Variants in HNMT observed in about 807,000 individuals in gnomAD.
HNMT encodes the protein histamine N-methyltransferase.
HNMT carries 30 observed loss-of-function variants against 32.1 expected under a neutral mutation model. That is an observed-to-expected ratio of 0.93 (90% confidence interval 0.70 to 1.27). HNMT has a LOEUF of 1.27. HNMT is among the 50% of genes most tolerant of loss of function. The pLI, the probability that HNMT is intolerant of heterozygous loss-of-function variation, is 0.00. For missense variants in HNMT, 327 were observed against 346.0 expected, an observed-to-expected ratio of 0.95 and a Z score of 0.43; for synonymous variants, 125 against 119.0, an observed-to-expected ratio of 1.05 and a Z score of -0.33.
chr2:137,987,282 A>G (rs757613632), intron 2 of HNMT, among the ~76,000 whole-genome samples: 1 of 152,162 alleles, frequency 6.6e-6, no homozygotes, highest in Non-Finnish European at 1.5e-5. Flanking sequence ...GAGACTGACT[A>G]TAAACTGAGC....
intron 2 of HNMT, among the ~76,000 whole-genome samples, chr2:137,993,260 C>T (rs1000984555): frequency 1.3e-5 from 2 of 152,114 alleles, no homozygotes; most frequent in African/African-American, 4.8e-5. Flanking sequence ...CTACACTGAT[C>T]TAAAGGAGCA....
intron 1 of HNMT, among the ~76,000 whole-genome samples, chr2:137,965,647 A>C (rs1019546982): frequency 6.6e-6 from 1 of 152,224 alleles, no homozygotes; most frequent in Non-Finnish European, 1.5e-5. Context: ...ATAAGGATGC[A>C]AACATCAAAG....
intron 1 of HNMT, chr2:137,967,686 C>T (rs1680001684): frequency 6.6e-6 from 1 of 152,138 alleles, no homozygotes; most frequent in South Asian, 2.1e-4. Flanking sequence ...AACTTTTATT[C>T]ATCAAATACT....
At chr2:137,980,125 A>G (rs1356865780) in intron 2 of HNMT, among the ~76,000 whole-genome samples, 1 of 150,392 alleles carries the variant, frequency 6.6e-6, no homozygotes, top group Non-Finnish European at 1.5e-5. Flanking sequence ...AAGCTCCACC[A>G]CCCAGGTTCA....
At chr2:138,003,096 A>AG (rs1201469895) in intron 4 of HNMT, among the ~76,000 whole-genome samples, 1,480 of 59,278 alleles carry the variant, frequency 0.025, 58 homozygotes, top group African/African-American at 0.093. Context: ...GGGTGGGGGG[A>AG]GGGGGGAGGG....
At chr2:137,985,503 T>G (rs935035818) in intron 2 of HNMT, among the ~76,000 whole-genome samples, 1 of 152,182 alleles carries the variant, frequency 6.6e-6, no homozygotes, top group African/African-American at 2.4e-5. Flanking sequence ...AGTTGTGACT[T>G]CTCTCTTTCC....
At chr2:137,980,153 G>A (rs1021033574) in intron 2 of HNMT, among the ~76,000 whole-genome samples, 30 of 151,042 alleles carry the variant, frequency 2.0e-4, no homozygotes, top group African/African-American at 7.3e-4. Flanking sequence ...CTCCTGCCTC[G>A]CCCTCCCCAG....
In HNMT at chr2:137,982,874, A is replaced by G. The variant is rs1173796619; in HGVS notation, c.190+12657A>G. Reference sequence around the variant, plus strand: ...CTTATTATTTTCCAGACACTTTGCTAGCCACTTGACATATGTAATCACATT... The same window carrying G: ...CTTATTATTTTCCAGACACTTTGCTGGCCACTTGACATATGTAATCACATT... On this transcript the variant is annotated intron_variant, in intron 2 of 5. Coordinates refer to ENST00000280097, the MANE Select transcript of HNMT (RefSeq NM_006895.3). Among the ~76,000 whole-genome samples, 6 of 152,346 alleles carry G rather than the reference A, an allele frequency of 3.9e-5. No individual in the cohort carries two copies. The East Asian group carries it at 1.2e-3, about 29-fold the overall frequency.
intron 2 of HNMT, chr2:137,991,802 T>C (rs1432220972): frequency 6.6e-6 from 1 of 152,094 alleles, no homozygotes; most frequent in Non-Finnish European, 1.5e-5. Flanking sequence ...ATACTTATTA[T>C]AAAAATAACA....
At position 138,012,499 on chromosome 2, in the gene HNMT, G is replaced by A. The variant is rs1053815081; in HGVS notation, c.524-1276G>A. Among the ~76,000 whole-genome samples, 7 of 152,076 alleles carry A rather than the reference G, an allele frequency of 4.6e-5. No individual in the cohort carries two copies. In the South Asian group the frequency reaches 1.2e-3, roughly 27 times the overall value. On this transcript the variant is annotated intron_variant, in intron 5 of 5. Transcript: ENST00000280097. The stretch of plus-strand genomic sequence containing the variant: ...AAGGCAGCATCTTTTTTTATATAGA[G>A]ATGAGAGTAAAAAATCATTGATTTG...
Position 137,977,474 on chromosome 2 carries a change from G to C in HNMT, c.190+7257G>C, listed in dbSNP as rs188287569. On this transcript the variant is annotated intron_variant, in intron 2 of 5. Transcript: ENST00000280097. ...ATATATGCCTGAAGGGGATTGGGGG[G>C]GTTGCAGGGATTGAGATCAATTCCT... 3.9e-5 allele frequency among the ~76,000 whole-genome samples: 6 copies of C among 152,104 alleles called. No individual in the cohort carries two copies. The East Asian group carries it at 9.7e-4, about 25-fold the overall frequency.
At chr2:137,970,053 C>G in intron 1 of HNMT, 112 bp from the exon 2 acceptor site, 1 of 562,578 alleles carries the variant, frequency 1.8e-6, no homozygotes. Context: ...TCATGTTGGC[C>G]TAGTTTTCAT....
At chr2:137,996,520 G>A (rs192968565) in intron 2 of HNMT, among the ~76,000 whole-genome samples, 1 of 152,256 alleles carries the variant, frequency 6.6e-6, no homozygotes, top group African/African-American at 2.4e-5. Context: ...GGATATAAGA[G>A]AGGATGCAAT....
At chr2:138,005,862 AT>A (rs1318798368) in intron 5 of HNMT, among the ~76,000 whole-genome samples, 2 of 152,032 alleles carry the variant, frequency 1.3e-5, no homozygotes, top group Non-Finnish European at 2.9e-5. Context: ...TGAGGACAGT[AT>A]TTATTACTTC....
intron 2 of HNMT, among the ~76,000 whole-genome samples, chr2:137,985,497 G>T (rs1043403090): frequency 6.6e-6 from 1 of 152,082 alleles, no homozygotes; most frequent in Non-Finnish European, 1.5e-5. Flanking sequence ...TTTCCAAGTT[G>T]TGACTTCTCT....
chr2:137,993,652 A>T (rs1235493776), intron 2 of HNMT, among the ~76,000 whole-genome samples: 1 of 152,214 alleles, frequency 6.6e-6, no homozygotes, highest in African/African-American at 2.4e-5. Context: ...GACTGCCAAC[A>T]TGCAAACTGA....
At chr2:137,995,210 A>C (rs1011918363) in intron 2 of HNMT, among the ~76,000 whole-genome samples, 1 of 152,078 alleles carries the variant, frequency 6.6e-6, no homozygotes, top group Non-Finnish European at 1.5e-5. Context: ...CCCTCCAAAA[A>C]AAAAATCAAT....
chr2:137,980,316 C>T lies in HNMT; in HGVS notation c.190+10099C>T, dbSNP rs897596935. Among the ~76,000 whole-genome samples the T allele has an allele frequency of 7.2e-5, 11 of 152,274 alleles. 1 individual carries two copies. In the South Asian group the frequency reaches 1.9e-3, roughly 26 times the overall value. On this transcript the variant is annotated intron_variant, in intron 2 of 5. Coordinates refer to ENST00000280097, the MANE Select transcript of HNMT (RefSeq NM_006895.3). ...CCTCCCAAAGTGCTGGGATTACAGG[C>T]GTGAGCCACCATGCCCGGTCCTGTA... is the stretch of plus-strand genomic sequence containing the variant.
At position 137,966,988 on chromosome 2, in the gene HNMT, T is replaced by C. The variant is rs1319839522; in HGVS notation, c.137+2360T>C. 1.1e-5 allele frequency: 8 copies of C among 732,674 alleles called. No individual in the cohort carries two copies. In the Admixed American group the frequency reaches 1.7e-4, roughly 15 times the overall value. The allele number at this position is 732,674 out of a possible 1,614,324, so 45.4% of individuals were successfully genotyped here. A position where few individuals can be genotyped will look rare whatever the true frequency, so the allele number is the denominator to read the frequency against. ...GAGGTAAACTTTTTGAGACTTTGTA[T>C]GTTTAAAAATCCCTTGGTTCTATGT... On this transcript the variant is annotated intron_variant, in intron 1 of 5. Transcript: ENST00000280097.
Sources: gnomAD v4.1 joint callset for allele counts (sites outside exome capture counted in the v4.1 genomes callset) on GRCh38, gnomAD v4.1.1 for gene constraint, MANE v1.5 for transcripts, NCBI Gene and HGNC (gene_info 2026-07-23, HGNC 2026-07-21) for gene names.